The following CSMD1 variants were observed in gnomAD, a reference collection of about 807,000 sequenced individuals.
CSMD1 encodes CUB and sushi domain-containing protein 1.
Under a neutral mutation model 417.5 loss-of-function variants are expected in CSMD1, and 213 were observed. The ratio of observed to expected loss-of-function variants is 0.51; its 90% confidence interval spans 0.46 to 0.57. CSMD1 has a LOEUF of 0.57. CSMD1 is among the 20% of genes least tolerant of loss of function. The pLI is 0.00. For missense variants in CSMD1, 6,923 were observed against 4,529.7 expected, an observed-to-expected ratio of 1.53 and a Z score of -15.17; for synonymous variants, 2,862 against 1,736.8, an observed-to-expected ratio of 1.65 and a Z score of -16.11.
chr8:3,059,522 C>A (rs866761805), intron 49 of CSMD1, among the ~76,000 whole-genome samples: 1 of 152,126 alleles, frequency 6.6e-6, no homozygotes, highest in South Asian at 2.1e-4. Flanking sequence ...GGAGGGGACA[C>A]ACGACTCAGG....
At chr8:4,077,638 G>A (rs1170105692) in intron 3 of CSMD1, among the ~76,000 whole-genome samples, 5 of 151,888 alleles carry the variant, frequency 3.3e-5, no homozygotes, top group East Asian at 1.9e-4. Flanking sequence ...AGATCCACCC[G>A]GGTGACAAAA....
chr8:4,031,101 C>G (rs1048251224), intron 4 of CSMD1, among the ~76,000 whole-genome samples: 1 of 152,170 alleles, frequency 6.6e-6, no homozygotes, highest in Non-Finnish European at 1.5e-5. Context: ...CCCACATTTT[C>G]CTGTCTCCTT....
intron 4 of CSMD1, among the ~76,000 whole-genome samples, chr8:4,009,337 A>G (rs1026715000): frequency 2.6e-5 from 4 of 152,244 alleles, no homozygotes; most frequent in Non-Finnish European, 5.9e-5. Context: ...CTGGAAATCT[A>G]TCTTACGGAC....
At chr8:3,269,324 G>C (rs753161805) in intron 26 of CSMD1, among the ~76,000 whole-genome samples, 1 of 152,184 alleles carries the variant, frequency 6.6e-6, no homozygotes, top group Admixed American at 6.5e-5. Flanking sequence ...AGAGGGGAGC[G>C]ATGGCTCCAG....
At chr8:2,956,588 G>C (rs1585048677) in intron 63 of CSMD1, among the ~76,000 whole-genome samples, 2 of 152,030 alleles carry the variant, frequency 1.3e-5, no homozygotes, top group African/African-American at 4.8e-5. Flanking sequence ...CCAGTAGCTG[G>C]GACTACAGGC....
At chr8:3,705,568 T>C (rs1158649405) in intron 7 of CSMD1, among the ~76,000 whole-genome samples, 1 of 152,110 alleles carries the variant, frequency 6.6e-6, no homozygotes, top group Non-Finnish European at 1.5e-5. Context: ...AACAAAAATG[T>C]CCAGCTTACA....
intron 2 of CSMD1, among the ~76,000 whole-genome samples, chr8:4,501,137 A>G (rs373414203): frequency 6.6e-6 from 1 of 152,174 alleles, no homozygotes; most frequent in African/African-American, 2.4e-5. Context: ...ACATAATGAT[A>G]TCTCACATAT....
chr8:4,415,693 T>C (rs964426610), intron 3 of CSMD1, among the ~76,000 whole-genome samples: 6 of 152,232 alleles, frequency 3.9e-5, no homozygotes, highest in African/African-American at 1.2e-4. Flanking sequence ...GCCCCGTGAA[T>C]GCTGATTAAA....
At chr8:3,984,391 A>G (rs1429781705) in intron 5 of CSMD1, among the ~76,000 whole-genome samples, 2 of 152,268 alleles carry the variant, frequency 1.3e-5, no homozygotes, top group South Asian at 2.1e-4. Context: ...AGACTTTTCA[A>G]TTCTAAACTG....
intron 18 of CSMD1, among the ~76,000 whole-genome samples, chr8:3,378,385 C>G (rs1049948937): frequency 6.6e-6 from 1 of 152,152 alleles, no homozygotes; most frequent in African/African-American, 2.4e-5. Context: ...GGACTCCTCC[C>G]TAACTCATTT....
chr8:4,827,422 G>C (rs1409370437), intron 1 of CSMD1, among the ~76,000 whole-genome samples: 1 of 152,142 alleles, frequency 6.6e-6, no homozygotes, highest in Non-Finnish European at 1.5e-5. Flanking sequence ...GAAGAGAAAA[G>C]CTCGACAGAA....
At chr8:3,508,429 C>T (rs1021213500) in intron 10 of CSMD1, among the ~76,000 whole-genome samples, 1 of 151,742 alleles carries the variant, frequency 6.6e-6, no homozygotes, top group African/African-American at 2.4e-5. Context: ...ATGGGTGCAG[C>T]ACACCAACAT....
At chr8:4,551,518 C>A (rs1248318507) in intron 2 of CSMD1, among the ~76,000 whole-genome samples, 4 of 152,140 alleles carry the variant, frequency 2.6e-5, no homozygotes, top group African/African-American at 9.7e-5. Flanking sequence ...TGAATGCTAC[C>A]TGCCCAACCA....
chr8:3,174,639 T>A (rs925574640), intron 37 of CSMD1, among the ~76,000 whole-genome samples: 1 of 152,240 alleles, frequency 6.6e-6, no homozygotes, highest in African/African-American at 2.4e-5. Flanking sequence ...TGTTTTCTTT[T>A]CAAAAAGATA....
Position 4,655,167 on chromosome 8 carries a change from G to A in CSMD1, c.86-17609C>T, listed in dbSNP as rs530444310. On this transcript the variant is annotated intron_variant, in intron 1 of 69. Transcript: ENST00000635120. ...TTGATTCTTTTGACTTTACCAAAAT[G>A]TTATTCCTTAAATACAGATAATTAC... 1.3e-3 allele frequency among the ~76,000 whole-genome samples: 199 copies of A among 152,042 alleles called. 2 individuals carry two copies. The highest frequency in any genetic ancestry group is 4.6e-3 in the African/African-American group (192 of 41,396).
intron 12 of CSMD1, among the ~76,000 whole-genome samples, chr8:3,426,088 C>G (rs149743691): frequency 6.6e-6 from 1 of 152,158 alleles, no homozygotes; most frequent in East Asian, 1.9e-4. Flanking sequence ...AAAAGCAGAA[C>G]AGACTATTGC....
chr8:3,806,047 T>A (rs2046198), intron 5 of CSMD1, among the ~76,000 whole-genome samples: 3 of 152,178 alleles, frequency 2.0e-5, no homozygotes, highest in African/African-American at 7.2e-5. Context: ...ACTTCTTCAA[T>A]GGATTTTAAT....
At chr8:4,090,989 G>A (rs956463845) in intron 3 of CSMD1, among the ~76,000 whole-genome samples, 2 of 151,582 alleles carry the variant, frequency 1.3e-5, no homozygotes, top group East Asian at 1.9e-4. Context: ...TGCAATCCTG[G>A]CTCACTGCAA....
intron 3 of CSMD1, among the ~76,000 whole-genome samples, chr8:4,161,237 C>G (rs990100898): frequency 6.6e-6 from 1 of 152,148 alleles, no homozygotes; most frequent in African/African-American, 2.4e-5. Context: ...AGCAAGCACT[C>G]TTACCATCTG....
Sources: gnomAD v4.1 joint callset for allele counts (sites outside exome capture counted in the v4.1 genomes callset) on GRCh38, gnomAD v4.1.1 for gene constraint, MANE v1.5 for transcripts, NCBI Gene and HGNC (gene_info 2026-07-23, HGNC 2026-07-21) for gene names.